Variants in TRIOBP observed in about 807,000 individuals in gnomAD.
The protein encoded by TRIOBP is TRIO and F-actin-binding protein.
Under a neutral mutation model 238.8 loss-of-function variants are expected in TRIOBP, and 169 were observed. That is an observed-to-expected ratio of 0.71 (90% confidence interval 0.62 to 0.80). The LOEUF is 0.80. TRIOBP is among the 30% of genes least tolerant of loss of function. The pLI, the probability that TRIOBP is intolerant of heterozygous loss-of-function variation, is 0.00. For missense variants in TRIOBP, 2,838 were observed against 3,122.6 expected (o/e 0.91, Z 2.17); for synonymous variants, 1,150 against 1,274.4 (o/e 0.90, Z 2.08).
In TRIOBP at chr22:37,776,057, C is replaced by G. The variant is rs1456815900; in HGVS notation, c.*2277C>G. 1 of 152,304 alleles carries G rather than the reference C, an allele frequency of 6.6e-6. No homozygotes were observed. The highest frequency in any genetic ancestry group is 1.5e-5 in the Non-Finnish European group (1 of 68,098). The allele number at this position is 152,304 out of a possible 1,614,324, so 9.4% of individuals were successfully genotyped here. ...CGTCCCCCCAAGACAGCTCTCCATC[C>G]CATCCTCTGCCTCCCTTCTAGCCTC... is the stretch of plus-strand genomic sequence containing the variant. On this transcript the variant is annotated 3_prime_UTR_variant, in exon 24 of 24. Transcript: ENST00000644935.
At chr22:37,739,377 C>T (rs1924831614) in intron 10 of TRIOBP, among the ~76,000 whole-genome samples, 1 of 152,178 alleles carries the variant, frequency 6.6e-6, no homozygotes, top group Non-Finnish European at 1.5e-5. Context: ...CGGTCCTGCT[C>T]TTCCTCCCGT....
At chr22:37,710,008 G>C (rs1923150646) in intron 3 of TRIOBP, among the ~76,000 whole-genome samples, 1 of 152,198 alleles carries the variant, frequency 6.6e-6, no homozygotes, top group Non-Finnish European at 1.5e-5. Context: ...GACCCTGGTG[G>C]ATCCTTCTAT....
intron 19 of TRIOBP, among the ~76,000 whole-genome samples, chr22:37,768,533 C>T (rs1926610700): frequency 1.3e-5 from 2 of 152,102 alleles, no homozygotes; most frequent in South Asian, 4.1e-4. Flanking sequence ...AAAGATGGGC[C>T]CCTCCAGCCG....
chr22:37,723,095 A>T (rs1923917569), intron 6 of TRIOBP, 90 bp from the exon 7 acceptor site: 1 of 1,374,042 alleles, frequency 7.3e-7, no homozygotes, highest in East Asian at 2.4e-5. Flanking sequence ...GGTTTGCCCT[A>T]ATCACTGGTC....
intron 9 of TRIOBP, among the ~76,000 whole-genome samples, chr22:37,735,675 C>T (rs892117974): frequency 1.3e-5 from 2 of 152,190 alleles, no homozygotes; most frequent in East Asian, 1.9e-4. Context: ...GAATGTTTGA[C>T]GTGTGCTTTT....
At chr22:37,718,828 G>A (rs1923672352) in intron 6 of TRIOBP, among the ~76,000 whole-genome samples, 2 of 150,510 alleles carry the variant, frequency 1.3e-5, no homozygotes, top group South Asian at 4.2e-4. Flanking sequence ...GGCATTACTG[G>A]GACAACTGGG....
chr22:37,699,526 C>A (rs1253293640), intron 2 of TRIOBP, among the ~76,000 whole-genome samples: 1 of 151,986 alleles, frequency 6.6e-6, no homozygotes, highest in African/African-American at 2.4e-5. Context: ...TTGGGGCGCA[C>A]TAGAATCACC....
intron 15 of TRIOBP, among the ~76,000 whole-genome samples, chr22:37,755,989 T>C (rs142715241): frequency 1.6e-4 from 24 of 152,296 alleles, no homozygotes; most frequent in Non-Finnish European, 1.8e-4. Flanking sequence ...GGTTAGGTAG[T>C]TCAGCCTTGG....
chr22:37,759,020 C>G, intron 16 of TRIOBP, 134 bp from the exon 17 acceptor site: 1 of 751,146 alleles, frequency 1.3e-6, no homozygotes, highest in Non-Finnish European at 2.3e-6. Context: ...TTCTCAAACC[C>G]TGAGGCATTC....
intron 4 of TRIOBP, among the ~76,000 whole-genome samples, chr22:37,711,264 G>C (rs1192846181): frequency 6.6e-6 from 1 of 152,128 alleles, no homozygotes; most frequent in Non-Finnish European, 1.5e-5. Flanking sequence ...TCACAGGTAG[G>C]CATATTAAAA....
chr22:37,727,938 C>CA (rs1924254639), intron 7 of TRIOBP, among the ~76,000 whole-genome samples: 1 of 152,090 alleles, frequency 6.6e-6, no homozygotes, highest in African/African-American at 2.4e-5. Flanking sequence ...ACAACAGCAA[C>CA]AAAAAGCAGT....
chr22:37,710,922 A>G (rs1157448656), intron 4 of TRIOBP, among the ~76,000 whole-genome samples: 1 of 152,146 alleles, frequency 6.6e-6, no homozygotes, highest in African/African-American at 2.4e-5. Context: ...GCCACAGCCT[A>G]CTCACATTTC....
chr22:37,751,954 G>A lies in TRIOBP; in HGVS notation c.5379+126G>A, dbSNP rs534502921. Reference sequence around the variant, plus strand: ...CCTGGGGGTGGGGCTGGGAGGGGTGGAGGCTGCCCATTAGGCTTCTGCCTC... The same window carrying A: ...CCTGGGGGTGGGGCTGGGAGGGGTGAAGGCTGCCCATTAGGCTTCTGCCTC... On this transcript the variant is annotated intron_variant, in intron 12 of 23. Coordinates refer to ENST00000644935, the MANE Select transcript of TRIOBP (RefSeq NM_001039141.3). 11 of 856,760 alleles carry A rather than the reference G, an allele frequency of 1.3e-5. No individual in the cohort carries two copies. In the South Asian group the frequency reaches 1.6e-4, roughly 12 times the overall value. 53.1% of individuals were successfully genotyped at this position (856,760 alleles called of 1,614,324 possible).
chr22:37,703,727 A>G lies in TRIOBP; in HGVS notation c.114+2248A>G, dbSNP rs188771971. On this transcript the variant is annotated intron_variant, in intron 3 of 23. Transcript: ENST00000644935. Reference sequence around the variant, plus strand: ...CACCATGTTAGCCAGGATGGCCTCGATCTTCCTGACCTCGTTATTCGCCCA... The same window carrying G: ...CACCATGTTAGCCAGGATGGCCTCGGTCTTCCTGACCTCGTTATTCGCCCA... Among the ~76,000 whole-genome samples the G allele has an allele frequency of 1.5e-3, 229 of 151,582 alleles. 2 individuals are homozygous for G. Among genetic ancestry groups the G allele is most frequent in the African/African-American group, 4.4e-3 (182 of 41,330 alleles).
At chr22:37,702,289 C>T (rs773610959) in intron 3 of TRIOBP, among the ~76,000 whole-genome samples, 10 of 152,048 alleles carry the variant, frequency 6.6e-5, no homozygotes, top group South Asian at 2.1e-4. Context: ...ACTGCAATCT[C>T]TGCCTCCTAG....
rs762641467 is a variant in TRIOBP at position 37,725,927 on chromosome 22, C to T, written c.3371C>T (p.Ser1124Phe). The change falls in exon 7 of 24, where the codon TCC (serine) becomes TTC (phenylalanine). Residue 1124 changes from serine to phenylalanine, a missense_variant. By Grantham distance (155) the Ser-to-Phe change is radical. Transcript: ENST00000644935. ...IGYRDAPRASSPPRQAPEPSL... is the reference protein window; with the variant it reads ...IGYRDAPRASFPPRQAPEPSL... ...TACCGAGATGCACCCCGGGCCTCCT[C>T]CCCACCACGCCAGGCCCCAGAGCCT... is the stretch of plus-strand genomic sequence containing the variant. The T allele has an allele frequency of 3.1e-6, 5 of 1,613,708 alleles. No homozygotes were observed. Among genetic ancestry groups the T allele is most frequent in the Middle Eastern group, 1.6e-4 (1 of 6,084 alleles).
chr22:37,713,636 C>T (rs947113888), intron 5 of TRIOBP, among the ~76,000 whole-genome samples: 2 of 152,238 alleles, frequency 1.3e-5, no homozygotes, highest in Non-Finnish European at 2.9e-5. Context: ...TGTGAAAAGA[C>T]AGGGAAAGGA....
rs768199444 is a variant in TRIOBP, at chr22:37,772,633, C to T, written c.6969C>T (p.Asp2323=). ...GCTTCACCTCGGGAAAGTACCAGGA[C>T]GTCTATGTGGAGCTGAGCCACATCA... ...DKRFTSGKYQ[D]VYVELSHIKT... is the part of the protein sequence containing the mutation. The change falls in exon 23 of 24, where the codon GAC becomes GAT. Residue 2323 remains aspartate, a synonymous_variant. Coordinates refer to ENST00000644935, the MANE Select transcript of TRIOBP (RefSeq NM_001039141.3). 15 of 1,614,160 alleles carry T rather than the reference C, an allele frequency of 9.3e-6. No homozygotes were observed. Among genetic ancestry groups the T allele is most frequent in the Admixed American group, 5.0e-5 (3 of 60,032 alleles).
intron 12 of TRIOBP, among the ~76,000 whole-genome samples, chr22:37,753,590 T>C (rs554014124): frequency 1.2e-3 from 183 of 152,358 alleles, no homozygotes; most frequent in African/African-American, 4.0e-3. Flanking sequence ...TAGGGACTTC[T>C]TAGTAGCCCT....
Sources: allele counts gnomAD v4.1 joint callset (sites outside exome capture counted in the v4.1 genomes callset), GRCh38; gene constraint gnomAD v4.1.1; transcripts MANE v1.5; gene names NCBI Gene and HGNC (gene_info 2026-07-23, HGNC 2026-07-21).